The following POFUT3 variants were observed in gnomAD, a reference collection of about 807,000 sequenced individuals.
POFUT3 encodes protein O-fucosyltransferase 3, also known as GDP-fucose protein O-fucosyltransferase 3.
At chr8:33,359,425 G>T in the POFUT3 span, among the ~76,000 whole-genome samples, 1 of 151,876 alleles carries the variant, frequency 6.6e-6, no homozygotes, top group Admixed American at 6.6e-5. Flanking sequence ...TTTGGTGAAG[G>T]CACTATCTTT....
chr8:33,435,017 T>C, the POFUT3 span, among the ~76,000 whole-genome samples: 2 of 152,132 alleles, frequency 1.3e-5, no homozygotes, highest in Non-Finnish European at 2.9e-5. Context: ...GGGGCAAACT[T>C]TGATCAATCA....
the POFUT3 span, among the ~76,000 whole-genome samples, chr8:33,376,415 G>A: frequency 3.9e-5 from 6 of 152,174 alleles, no homozygotes; most frequent in Non-Finnish European, 5.9e-5. Flanking sequence ...GAGATACTAG[G>A]AGTATTTAGT....
the POFUT3 span, among the ~76,000 whole-genome samples, chr8:33,324,357 A>C: frequency 9.2e-5 from 14 of 152,252 alleles, no homozygotes; most frequent in South Asian, 1.9e-3. Flanking sequence ...CCAGTTTTTC[A>C]GGGTCTGCCT....
At chr8:33,400,554 G>A in the POFUT3 span, among the ~76,000 whole-genome samples, 2 of 152,026 alleles carry the variant, frequency 1.3e-5, no homozygotes, top group Non-Finnish European at 2.9e-5. Flanking sequence ...AGGAAGGGAG[G>A]GAGGGAAAGT....
At chr8:33,333,229 G>A in the POFUT3 span, among the ~76,000 whole-genome samples, 2 of 152,282 alleles carry the variant, frequency 1.3e-5, no homozygotes, top group Admixed American at 6.5e-5. Context: ...AAGGATCAGC[G>A]AGTGCAAAAT....
chr8:33,326,208 T>C, the POFUT3 span, among the ~76,000 whole-genome samples: 2,107 of 152,200 alleles, frequency 0.014, 19 homozygotes, highest in Non-Finnish European at 0.021. Flanking sequence ...CAGATCCAAA[T>C]TCTCTTTGTT....
chr8:33,311,804 T>C, the POFUT3 span, among the ~76,000 whole-genome samples: 1 of 152,160 alleles, frequency 6.6e-6, no homozygotes, highest in African/African-American at 2.4e-5. Context: ...GATATGTTTT[T>C]GTGGTGGATA....
At chr8:33,318,217 T>C in the POFUT3 span, among the ~76,000 whole-genome samples, 2 of 151,910 alleles carry the variant, frequency 1.3e-5, no homozygotes, top group African/African-American at 4.8e-5. Flanking sequence ...TGCTGTTTTG[T>C]ATTTTCGTCT....
At chr8:33,445,427 G>A in the POFUT3 span, among the ~76,000 whole-genome samples, 1 of 152,136 alleles carries the variant, frequency 6.6e-6, no homozygotes, top group African/African-American at 2.4e-5. Context: ...AACATGAAAT[G>A]GATGAGATCA....
At chr8:33,361,390 C>T in the POFUT3 span, 1 of 152,168 alleles carries the variant, frequency 6.6e-6, no homozygotes, top group East Asian at 1.9e-4. Context: ...ACTTTTAGTA[C>T]TTTTAACACA....
the POFUT3 span, among the ~76,000 whole-genome samples, chr8:33,431,539 C>A: frequency 1.1e-4 from 9 of 78,590 alleles, no homozygotes; most frequent in East Asian, 2.9e-3. Flanking sequence ...CAGAGCAAGA[C>A]CCTGTCTCAA....
At chr8:33,385,872 G>A in the POFUT3 span, among the ~76,000 whole-genome samples, 18 of 150,898 alleles carry the variant, frequency 1.2e-4, no homozygotes, top group South Asian at 2.1e-4. Flanking sequence ...CATATAGAAC[G>A]AATCCTGTAA....
the POFUT3 span, among the ~76,000 whole-genome samples, chr8:33,439,013 T>C: frequency 2.0e-5 from 3 of 152,160 alleles, no homozygotes; most frequent in African/African-American, 7.2e-5. Flanking sequence ...AAAAAATACA[T>C]AGTATCTATC....
At chr8:33,467,301 G>T in the POFUT3 span, among the ~76,000 whole-genome samples, 8 of 138,770 alleles carry the variant, frequency 5.8e-5, no homozygotes, top group Non-Finnish European at 9.3e-5. Flanking sequence ...AAAAAGACTA[G>T]TGATTAATCA....
At chr8:33,406,533 C>A in the POFUT3 span, among the ~76,000 whole-genome samples, 1 of 152,014 alleles carries the variant, frequency 6.6e-6, no homozygotes, top group African/African-American at 2.4e-5. Flanking sequence ...ACCTCCCAGG[C>A]TCAAGCAATC....
chr8:33,468,239 C>CA, the POFUT3 span, among the ~76,000 whole-genome samples: 1,255 of 124,776 alleles, frequency 0.01, 19 homozygotes, highest in African/African-American at 0.034. Flanking sequence ...AACTGTGTCT[C>CA]AAAAAAAAAA....
chr8:33,426,617 C>T, the POFUT3 span, among the ~76,000 whole-genome samples: 3 of 152,184 alleles, frequency 2.0e-5, no homozygotes, highest in Non-Finnish European at 2.9e-5. Context: ...CAGATTCAAT[C>T]CGATCTAAGG....
chr8:33,464,200 C>T, the POFUT3 span, among the ~76,000 whole-genome samples: 1 of 151,938 alleles, frequency 6.6e-6, no homozygotes, highest in African/African-American at 2.4e-5. Context: ...ATTTATTATC[C>T]CTTTAGGTGG....
At chr8:33,459,501 G>A in the POFUT3 span, among the ~76,000 whole-genome samples, 86,928 of 151,624 alleles carry the variant, frequency 0.57, 25,126 homozygotes, top group Non-Finnish European at 0.59. Flanking sequence ...ACTTAGCCAC[G>A]TGTGGTAGTA....
Sources: allele counts gnomAD v4.1 joint callset (sites outside exome capture counted in the v4.1 genomes callset), GRCh38; gene constraint gnomAD v4.1.1; transcripts MANE v1.5; gene names NCBI Gene and HGNC (gene_info 2026-07-23, HGNC 2026-07-21).